The following KLHL8 variants were observed in gnomAD, a reference collection of about 807,000 sequenced individuals.
KLHL8 encodes kelch like family member 8, also known as kelch-like protein 8.
KLHL8 carries 38 observed loss-of-function variants against 63.5 expected under a neutral mutation model. The ratio of observed to expected loss-of-function variants is 0.60; its 90% CI spans 0.46 to 0.78. The LOEUF is 0.78. Ranked by LOEUF, KLHL8 falls within the 30% of genes least tolerant of loss-of-function variation. The probability of loss-of-function intolerance (pLI) is 0.00; values close to 1 mark genes in which losing one functional copy is unlikely to be tolerated. For missense variants in KLHL8, 566 were observed against 752.4 expected (o/e 0.75, Z 2.90); for synonymous variants, 224 against 254.3 (o/e 0.88, Z 1.13).
At chr4:87,175,517 C>CT (rs763750840) in intron 6 of KLHL8, among the ~76,000 whole-genome samples, 3 of 152,132 alleles carry the variant, frequency 2.0e-5, no homozygotes, top group Non-Finnish European at 4.4e-5. Flanking sequence ...ACCTATAACT[C>CT]TAATTTTAAC....
At chr4:87,182,942 C>T (rs915691609) in intron 4 of KLHL8, among the ~76,000 whole-genome samples, 2 of 152,010 alleles carry the variant, frequency 1.3e-5, no homozygotes, top group Non-Finnish European at 2.9e-5. Flanking sequence ...AGTTCAGAAT[C>T]GGGAAAGATC....
At chr4:87,167,537 G>A (rs995701604) in intron 8 of KLHL8, 1 of 541,396 alleles carries the variant, frequency 1.8e-6, no homozygotes, top group South Asian at 1.4e-5. Context: ...ATCAGAACTC[G>A]AATGGCCTTG....
intron 1 of KLHL8, among the ~76,000 whole-genome samples, chr4:87,236,567 C>A (rs918501803): frequency 1.3e-5 from 2 of 151,722 alleles, no homozygotes; most frequent in African/African-American, 2.4e-5. Flanking sequence ...GGCATAACAT[C>A]ACTTTAGAAC....
At position 87,200,123 on chromosome 4, in the gene KLHL8, C is replaced by T. The variant is rs539603145; in HGVS notation, c.-151-4433G>A. 2.5e-3 allele frequency among the ~76,000 whole-genome samples: 319 copies of T among 128,066 alleles called. 2 individuals are homozygous for T. The Middle Eastern group carries it at 0.032, about 13-fold the overall frequency. 84.0% of individuals were successfully genotyped at this position (128,066 alleles called of 152,430 possible). On this transcript the variant is annotated intron_variant, in intron 1 of 9. Coordinates refer to ENST00000273963, the MANE Select transcript of KLHL8 (RefSeq NM_020803.5). ...GCCACTGAACTCCAGCCTGGGTGAC[C>T]GAGTGAGACTGCCTCAAAAAAAAAA...
At chr4:87,198,794 C>T (rs1410485377) in intron 1 of KLHL8, among the ~76,000 whole-genome samples, 2 of 152,182 alleles carry the variant, frequency 1.3e-5, no homozygotes, top group Non-Finnish European at 2.9e-5. Flanking sequence ...CAAATGAATG[C>T]ATGTAAAACA....
At chr4:87,177,281 G>A (rs1446407860) in intron 5 of KLHL8, among the ~76,000 whole-genome samples, 1 of 152,098 alleles carries the variant, frequency 6.6e-6, no homozygotes, top group Admixed American at 6.6e-5. Flanking sequence ...TTGGAAGGCT[G>A]AGGTGGGCGG....
rs1003347970 is a variant in KLHL8, at chr4:87,163,773, C to T, written c.1739+105G>A. ...AAGCTTCCAGTGGGAGATAAGATAT[C>T]CCAAAGCTTAGTATTAACTACGACT... On this transcript the variant is annotated intron_variant, in intron 9 of 9. Transcript: ENST00000273963. The T allele has an allele frequency of 5.7e-5, 87 of 1,520,426 alleles. 1 individual carries two copies. The African/African-American group carries it at 1.1e-3, about 19-fold the overall frequency. 94.2% of individuals were successfully genotyped at this position (1,520,426 alleles called of 1,614,324 possible).
chr4:87,199,086 C>T (rs1040425462), intron 1 of KLHL8, among the ~76,000 whole-genome samples: 2 of 151,582 alleles, frequency 1.3e-5, no homozygotes, highest in African/African-American at 2.4e-5. Context: ...CTATCAAATG[C>T]GTACAAGAAA....
chr4:87,206,682 T>G (rs901898026), intron 1 of KLHL8, among the ~76,000 whole-genome samples: 1 of 152,220 alleles, frequency 6.6e-6, no homozygotes, highest in African/African-American at 2.4e-5. Flanking sequence ...TCAGTTTTCC[T>G]CAAATGTATT....
At chr4:87,179,743 C>T (rs1730979371) in intron 4 of KLHL8, among the ~76,000 whole-genome samples, 1 of 152,028 alleles carries the variant, frequency 6.6e-6, no homozygotes, top group Non-Finnish European at 1.5e-5. Context: ...CACCACTGCA[C>T]TCCAGCCTGA....
intron 8 of KLHL8, among the ~76,000 whole-genome samples, chr4:87,168,752 A>G (rs997093908): frequency 1.1e-4 from 16 of 146,410 alleles, no homozygotes; most frequent in African/African-American, 1.5e-4. Context: ...ATACGTGTAT[A>G]TATGTGTGTG....
intron 2 of KLHL8, among the ~76,000 whole-genome samples, chr4:87,193,909 A>C (rs566512971): frequency 2.0e-5 from 3 of 152,358 alleles, no homozygotes; most frequent in African/African-American, 7.2e-5. Flanking sequence ...AAAAAGATTA[A>C]AATACTGATT....
intron 8 of KLHL8, 129 bp downstream of exon 8, chr4:87,169,946 TAAGA>T (rs1730573364): frequency 3.1e-6 from 2 of 642,572 alleles, no homozygotes; most frequent in African/African-American, 3.7e-5. Context: ...CAAAATTTTG[TAAGA>T]AAGAATTCAA....
At chr4:87,187,972 T>C (rs1319300392) in intron 2 of KLHL8, among the ~76,000 whole-genome samples, 1 of 152,196 alleles carries the variant, frequency 6.6e-6, no homozygotes, top group Non-Finnish European at 1.5e-5. Flanking sequence ...ATGGTTTTGC[T>C]TATAAAAGCC....
At chr4:87,230,756 T>C (rs1317495071) in intron 1 of KLHL8, among the ~76,000 whole-genome samples, 2 of 152,208 alleles carry the variant, frequency 1.3e-5, no homozygotes, top group African/African-American at 4.8e-5. Context: ...TGATCAGAAT[T>C]GTAATCTTCT....
rs373542995 is a variant in KLHL8, at chr4:87,176,909, T to C, written c.1097-41A>G. ...GTATTTTCATTTGACTCCAAACAAA[T>C]AAATTCATATCATTAATGTTACATA... On this transcript the variant is annotated intron_variant, in intron 5 of 9. Transcript: ENST00000273963. 4.2e-5 allele frequency: 40 copies of C among 959,024 alleles called. No homozygotes were observed. The African/African-American group carries it at 5.8e-4, about 14-fold the overall frequency. The allele number at this position is 959,024 out of a possible 1,614,324, so 59.4% of individuals were successfully genotyped here. A position where few individuals can be genotyped will look rare whatever the true frequency, so the allele number is the denominator to read the frequency against.
intron 1 of KLHL8, among the ~76,000 whole-genome samples, chr4:87,234,320 TC>T (rs1419222431): frequency 6.6e-6 from 1 of 151,932 alleles, no homozygotes; most frequent in African/African-American, 2.4e-5. Context: ...ACACCTGTAG[TC>T]CCAGCTACTC....
At chr4:87,236,663 C>CTTTTTT (rs34454982) in intron 1 of KLHL8, among the ~76,000 whole-genome samples, 1 of 110,428 alleles carries the variant, frequency 9.1e-6, no homozygotes, top group Non-Finnish European at 1.7e-5. Context: ...TGTACTGTGT[C>CTTTTTT]TTTTTTTTTT....
intron 6 of KLHL8, among the ~76,000 whole-genome samples, chr4:87,172,943 AAT>A (rs773419774): frequency 6.6e-5 from 10 of 152,184 alleles, no homozygotes; most frequent in African/African-American, 9.7e-5. Context: ...ATGCATATTA[AAT>A]ATATATGTTT....
Sources: allele counts gnomAD v4.1 joint callset (sites outside exome capture counted in the v4.1 genomes callset), GRCh38; gene constraint gnomAD v4.1.1; transcripts MANE v1.5; gene names NCBI Gene and HGNC (gene_info 2026-07-23, HGNC 2026-07-21).